The following HECW2 variants were observed in gnomAD, a reference collection of about 807,000 sequenced individuals.
HECW2 encodes the protein HECT, C2 and WW domain containing E3 ubiquitin protein ligase 2.
In HECW2, 61 loss-of-function variants were observed where a neutral mutation model predicts 175.2. The ratio of observed to expected loss-of-function variants is 0.35; its 90% confidence interval spans 0.28 to 0.43. HECW2 has a LOEUF of 0.43. HECW2 is among the 20% of genes least tolerant of loss of function. HECW2 has a pLI of 1.00. For missense variants in HECW2, 1,524 were observed against 2,000.5 expected, an observed-to-expected ratio of 0.76 and a Z score of 4.54; for synonymous variants, 671 against 731.0, an observed-to-expected ratio of 0.92 and a Z score of 1.32.
chr2:196,268,241 C>T (rs1689590976), intron 17 of HECW2, among the ~76,000 whole-genome samples: 1 of 152,196 alleles, frequency 6.6e-6, no homozygotes, highest in African/African-American at 2.4e-5. Flanking sequence ...GTGGTATTAT[C>T]TCATTGATTT....
chr2:196,540,066 C>G (rs945364879), intron 1 of HECW2, among the ~76,000 whole-genome samples: 3 of 152,144 alleles, frequency 2.0e-5, no homozygotes, highest in Non-Finnish European at 4.4e-5. Flanking sequence ...ACTACTTTGA[C>G]AAAAGTAGGC....
intron 1 of HECW2, among the ~76,000 whole-genome samples, chr2:196,530,604 C>G (rs1688807245): frequency 6.6e-6 from 1 of 152,172 alleles, no homozygotes; most frequent in East Asian, 1.9e-4. Flanking sequence ...ATCCTAAACT[C>G]CTTAACATGG....
At chr2:196,256,778 C>G (rs1443808330) in intron 18 of HECW2, among the ~76,000 whole-genome samples, 1 of 152,168 alleles carries the variant, frequency 6.6e-6, no homozygotes, top group Non-Finnish European at 1.5e-5. Context: ...ACAACTGGCT[C>G]AATACCACAG....
chr2:196,383,194 T>G (rs1224718625), intron 2 of HECW2, among the ~76,000 whole-genome samples: 1 of 152,210 alleles, frequency 6.6e-6, no homozygotes, highest in East Asian at 1.9e-4. Flanking sequence ...AATGTCTGAT[T>G]TGCGTAACTG....
chr2:196,329,478 T>C, intron 5 of HECW2, 97 bp downstream of exon 5: 2 of 935,582 alleles, frequency 2.1e-6, no homozygotes, highest in Non-Finnish European at 3.5e-6. Flanking sequence ...TCACATATCA[T>C]CATATCATAT....
At chr2:196,269,888 G>C (rs1441650335) in intron 17 of HECW2, among the ~76,000 whole-genome samples, 1 of 152,158 alleles carries the variant, frequency 6.6e-6, no homozygotes, top group Non-Finnish European at 1.5e-5. Context: ...ATAATTCTTA[G>C]GCTCTACCCC....
chr2:196,488,746 A>C (rs1397882689), intron 1 of HECW2, among the ~76,000 whole-genome samples: 1 of 152,048 alleles, frequency 6.6e-6, no homozygotes, highest in Non-Finnish European at 1.5e-5. Flanking sequence ...CTGAATTCCT[A>C]ATACAGTTTT....
chr2:196,457,143 C>T (rs960607968), intron 1 of HECW2, among the ~76,000 whole-genome samples: 1 of 152,114 alleles, frequency 6.6e-6, no homozygotes, highest in African/African-American at 2.4e-5. Context: ...TGTTGAGCTG[C>T]TGATACGTTT....
intron 3 of HECW2, among the ~76,000 whole-genome samples, chr2:196,338,657 T>C (rs550135811): frequency 6.6e-6 from 1 of 152,320 alleles, no homozygotes; most frequent in South Asian, 2.1e-4. Flanking sequence ...CCTGTTCCTA[T>C]TTAGAGAGTC....
chr2:196,220,953 A>C lies in HECW2; in HGVS notation c.4147-12T>G. ...TCTCGTTCAGTTATCTGAGATTACA[A>C]AATAAAAAGAATGACTACAAAGCAA... On this transcript the variant is annotated splice_polypyrimidine_tract_variant and intron_variant, in intron 24 of 28. Coordinates refer to ENST00000644978, the MANE Select transcript of HECW2 (RefSeq NM_001348768.2). The C allele has an allele frequency of 6.2e-7, 1 of 1,613,446 alleles. No homozygotes were observed. The highest frequency in any genetic ancestry group is 8.5e-7 in the Non-Finnish European group (1 of 1,179,484).
intron 5 of HECW2, among the ~76,000 whole-genome samples, chr2:196,326,448 ATTT>A (rs11455303): frequency 6.9e-6 from 1 of 145,606 alleles, no homozygotes. Context: ...ACTAAGAGCA[ATTT>A]TTTTTTTTTT....
intron 1 of HECW2, among the ~76,000 whole-genome samples, chr2:196,468,058 G>T (rs1173476695): frequency 6.6e-6 from 1 of 152,048 alleles, no homozygotes; most frequent in Non-Finnish European, 1.5e-5. Flanking sequence ...CCGTTGCCCA[G>T]GCTAGAGTGC....
intron 25 of HECW2, 43 bp from the exon 26 acceptor site, chr2:196,220,196 A>C (rs776975365): frequency 8.1e-6 from 10 of 1,232,274 alleles, no homozygotes; most frequent in Non-Finnish European, 1.2e-5. Flanking sequence ...AGGAGCCTGG[A>C]GAAATATCAG....
intron 2 of HECW2, among the ~76,000 whole-genome samples, chr2:196,387,695 T>C (rs552503393): frequency 2.0e-5 from 3 of 152,132 alleles, no homozygotes; most frequent in Non-Finnish European, 2.9e-5. Context: ...TATCTATATA[T>C]AGAGAGAGAT....
chr2:196,536,974 C>G (rs9288264), intron 1 of HECW2, among the ~76,000 whole-genome samples: 52,847 of 152,080 alleles, frequency 0.35, 12,633 homozygotes, highest in African/African-American at 0.69. Context: ...CTCAAACATA[C>G]GAGGCCAGGA....
chr2:196,374,110 T>C (rs942089715), intron 2 of HECW2, among the ~76,000 whole-genome samples: 1 of 152,260 alleles, frequency 6.6e-6, no homozygotes, highest in African/African-American at 2.4e-5. Context: ...GAATAATATG[T>C]CATGATTCAT....
intron 1 of HECW2, among the ~76,000 whole-genome samples, chr2:196,469,112 TGTGTGTGC>T (rs1419693337): frequency 4.6e-4 from 40 of 86,126 alleles, no homozygotes; most frequent in East Asian, 1.5e-3. Context: ...TGTGTGTGTG[TGTGTGTGC>T]GTGTGTGTGT....
chr2:196,564,764 A>G (rs1169544436), intron 1 of HECW2, among the ~76,000 whole-genome samples: 1 of 152,034 alleles, frequency 6.6e-6, no homozygotes, highest in Non-Finnish European at 1.5e-5. Context: ...CATGCCTCCT[A>G]CTTAACTTAT....
At position 196,258,460 on chromosome 2, in the gene HECW2, C is replaced by T. The variant is rs114539820; in HGVS notation, c.3336-554G>A. On this transcript the variant is annotated intron_variant, in intron 17 of 28. Coordinates refer to ENST00000644978, the MANE Select transcript of HECW2 (RefSeq NM_001348768.2). ...ATGCCTTTTTTAAATAAAGAAAAAA[C>T]TGAAATACTTTGCTACAACAGTTGG... 2.9e-3 allele frequency among the ~76,000 whole-genome samples: 440 copies of T among 152,184 alleles called. 1 individual carries two copies. The highest frequency in any genetic ancestry group is 0.01 in the African/African-American group (430 of 41,526).
Sources: allele counts gnomAD v4.1 joint callset (sites outside exome capture counted in the v4.1 genomes callset), GRCh38; gene constraint gnomAD v4.1.1; transcripts MANE v1.5; gene names NCBI Gene and HGNC (gene_info 2026-07-23, HGNC 2026-07-21).